SCN9A: variants seen among roughly 807,000 people sequenced by gnomAD.
SCN9A encodes sodium channel protein type 9 subunit alpha.
A neutral mutation model predicts 187.0 loss-of-function variants in SCN9A; 131 were observed. That is an observed-to-expected ratio of 0.70 (90% CI 0.61 to 0.81). The LOEUF (loss-of-function observed/expected upper bound fraction) is 0.81. Among genes scored for constraint, SCN9A ranks in the 30% least tolerant of loss-of-function variants. SCN9A has a pLI of 0.00. For synonymous variants in SCN9A, 809 were observed against 808.6 expected (o/e 1.00, Z -0.01); for missense variants, 2,252 against 2,396.6 (o/e 0.94, Z 1.26).
chr2:166,297,601 G>T (rs183031911), intron 7 of SCN9A, among the ~76,000 whole-genome samples: 2 of 151,862 alleles, frequency 1.3e-5, no homozygotes, highest in East Asian at 3.9e-4. Context: ...GGTTGCCAGG[G>T]GCTGGGAGAA....
chr2:166,351,205 AC>A (rs549140206), intron 1 of SCN9A, among the ~76,000 whole-genome samples: 2 of 152,180 alleles, frequency 1.3e-5, no homozygotes, highest in Non-Finnish European at 2.9e-5. Context: ...ATAATACAAA[AC>A]AAAAACCCAC....
In SCN9A at chr2:166,303,112, T is replaced by C. The variant is rs199737519; in HGVS notation, c.879A>G (p.Leu293=). The C allele has an allele frequency of 1.9e-6, 3 of 1,604,470 alleles. No individual in the cohort carries two copies. The highest frequency in any genetic ancestry group is 2.6e-6 in the Non-Finnish European group (3 of 1,173,938). The change falls in exon 7 of 27, where the codon CTA becomes CTG. Residue 293 remains leucine (L), a synonymous_variant. Coordinates refer to ENST00000642356, the MANE Select transcript of SCN9A (RefSeq NM_001365536.1). ...TACTTCTAAAGTCTTCTTCACTCTC[T>C]AGGGTATTCATTATGCTTTCTAATG... is the stretch of plus-strand genomic sequence containing the variant. The part of the protein sequence containing the change: ...NETLESIMNT[L]ESEEDFRKYF...
intron 24 of SCN9A, among the ~76,000 whole-genome samples, chr2:166,225,638 C>T (rs1409863243): frequency 6.6e-6 from 1 of 152,022 alleles, no homozygotes; most frequent in Admixed American, 6.6e-5. Context: ...AAGTCCTAAC[C>T]CTTAGCACTT....
chr2:166,232,436 G>T (rs529905772), intron 21 of SCN9A, among the ~76,000 whole-genome samples: 100 of 152,046 alleles, frequency 6.6e-4, no homozygotes, highest in Non-Finnish European at 3.2e-4. Context: ...AAATGTGATG[G>T]CTGATGCTGT....
At chr2:166,329,697 A>G (rs1035910822) in intron 1 of SCN9A, among the ~76,000 whole-genome samples, 1 of 152,138 alleles carries the variant, frequency 6.6e-6, no homozygotes, top group Non-Finnish European at 1.5e-5. Context: ...GTTGGGGAAA[A>G]CCAGCAGGTA....
chr2:166,209,679 T>C (rs1033655917), intron 24 of SCN9A, among the ~76,000 whole-genome samples: 3 of 151,992 alleles, frequency 2.0e-5, no homozygotes, highest in African/African-American at 7.2e-5. Context: ...AAGAAGACAT[T>C]TATGCAGCCA....
chr2:166,254,359 G>A (rs1193493165), intron 17 of SCN9A, among the ~76,000 whole-genome samples: 2 of 151,442 alleles, frequency 1.3e-5, no homozygotes, highest in Non-Finnish European at 3.0e-5. Flanking sequence ...ATGTTTATAA[G>A]CATGCTTTAG....
chr2:166,287,523 T>A (rs962420536), intron 10 of SCN9A, among the ~76,000 whole-genome samples: 3 of 152,190 alleles, frequency 2.0e-5, no homozygotes, highest in Non-Finnish European at 4.4e-5. Flanking sequence ...AATGCTGCAC[T>A]GAATATTTGT....
intron 1 of SCN9A, among the ~76,000 whole-genome samples, chr2:166,322,765 G>A (rs1421256999): frequency 6.6e-6 from 1 of 152,070 alleles, no homozygotes; most frequent in African/African-American, 2.4e-5. Flanking sequence ...ATATTAAACA[G>A]AGATTTAGTT....
chr2:166,305,525 G>T (rs1193744671), intron 5 of SCN9A, among the ~76,000 whole-genome samples: 1 of 151,968 alleles, frequency 6.6e-6, no homozygotes, highest in African/African-American at 2.4e-5. Flanking sequence ...AACCTAATTG[G>T]CACTGCATAG....
intron 24 of SCN9A, among the ~76,000 whole-genome samples, chr2:166,222,945 C>CAAAAAAAAAAAAAAAAAAAAAAAAAAAA (rs1309168684): frequency 2.7e-4 from 12 of 44,982 alleles, no homozygotes; most frequent in Non-Finnish European, 3.6e-4. Context: ...AAAAAAACAA[C>CAAAAAAAAAAAAAAAAAAAAAAAAAAAA]AAAAAAAAAA....
chr2:166,294,619 A>G lies in SCN9A; in HGVS notation c.945T>C (p.Cys315=), dbSNP rs1553492758. The G allele has an allele frequency of 6.2e-7, 1 of 1,611,372 alleles. No homozygotes were observed. The highest frequency in any genetic ancestry group is 8.5e-7 in the Non-Finnish European group (1 of 1,178,304). The change falls in exon 8 of 27, where the codon TGT becomes TGC. Residue 315 remains cysteine (C), a synonymous_variant. Transcript: ENST00000642356. ...YLEGSKDALL[C]GFSTDSGQCP... is the part of the protein sequence containing the mutation. ...CATACCCTGAATCTGTGCTGAAACC[A>G]CAAAGGAGAGCATCTTTGGATCCTT...
At position 166,306,564 on chromosome 2, in the gene SCN9A, G is replaced by A. The variant is rs200408344; in HGVS notation, c.413C>T (p.Thr138Ile). ...FSMLIMCTIL[T>I]NCIFMTMNNP... ...ATTCATGGTCATAAATATGCAGTTTGTCAGAATAGTGCACATGATGAGCAT... is the reference window on the plus strand; with the variant it reads ...ATTCATGGTCATAAATATGCAGTTTATCAGAATAGTGCACATGATGAGCAT... Residue 138 changes from threonine (T) to isoleucine (I), a missense_variant, in exon 4 of 27, where the codon ACA (threonine) becomes ATA (isoleucine). Physicochemically the swap from Thr to Ile is moderately conservative, Grantham distance 89. Coordinates refer to ENST00000642356, the MANE Select transcript of SCN9A (RefSeq NM_001365536.1). The A allele has an allele frequency of 2.8e-5, 44 of 1,583,742 alleles. No homozygotes were observed. The highest frequency in any genetic ancestry group is 3.8e-5 in the Non-Finnish European group (44 of 1,162,550).
At chr2:166,269,643 T>C (rs771892377) in intron 17 of SCN9A, among the ~76,000 whole-genome samples, 1 of 152,004 alleles carries the variant, frequency 6.6e-6, no homozygotes, top group Non-Finnish European at 1.5e-5. Context: ...GAAAATGAAG[T>C]GCTAAATGGA....
intron 1 of SCN9A, among the ~76,000 whole-genome samples, chr2:166,315,150 G>A (rs1699077735): frequency 6.6e-6 from 1 of 152,278 alleles, no homozygotes; most frequent in Non-Finnish European, 1.5e-5. Flanking sequence ...AATCATAAAG[G>A]TGAGAAGACG....
At chr2:166,369,127 T>C (rs766300702) in intron 1 of SCN9A, among the ~76,000 whole-genome samples, 37 of 152,014 alleles carry the variant, frequency 2.4e-4, no homozygotes, top group African/African-American at 7.5e-4. Flanking sequence ...CAAATTACGA[T>C]GTATATACAT....
At chr2:166,360,540 C>T (rs955152118) in intron 1 of SCN9A, among the ~76,000 whole-genome samples, 1 of 152,090 alleles carries the variant, frequency 6.6e-6, no homozygotes. Context: ...TATTATTATA[C>T]ATGTATCCAC....
chr2:166,340,584 TTCTTTC>T (rs1699754187), intron 1 of SCN9A, among the ~76,000 whole-genome samples: 7 of 94,106 alleles, frequency 7.4e-5, no homozygotes, highest in Non-Finnish European at 1.0e-4. Context: ...CTTTCTTTCT[TTCTTTC>T]TTTCTTTCTT....
chr2:166,331,533 A>T (rs373735201), intron 1 of SCN9A, among the ~76,000 whole-genome samples: 4 of 152,164 alleles, frequency 2.6e-5, no homozygotes, highest in Non-Finnish European at 5.9e-5. Context: ...TGATGTATGA[A>T]GAGTTTGTTA....
Sources: gnomAD v4.1 joint callset for allele counts (sites outside exome capture counted in the v4.1 genomes callset) on GRCh38, gnomAD v4.1.1 for gene constraint, MANE v1.5 for transcripts, NCBI Gene and HGNC (gene_info 2026-07-23, HGNC 2026-07-21) for gene names.